Variants in FBN3 observed in about 807,000 individuals in gnomAD.
The protein encoded by FBN3 is fibrillin 3.
In FBN3, 234 loss-of-function variants were observed where a neutral mutation model predicts 330.1. The ratio of observed to expected loss-of-function variants is 0.71; its 90% CI spans 0.64 to 0.79. The LOEUF is 0.79. Ranked by LOEUF, FBN3 falls within the 30% of genes least tolerant of loss-of-function variation. The pLI is 0.00. For missense variants in FBN3, 3,606 were observed against 3,886.9 expected (o/e 0.93, Z 1.92); for synonymous variants, 1,458 against 1,517.3 (o/e 0.96, Z 0.91).
intron 61 of FBN3, among the ~76,000 whole-genome samples, chr19:8,074,503 G>A (rs937124852): frequency 6.6e-6 from 1 of 152,132 alleles, no homozygotes; most frequent in East Asian, 1.9e-4. Context: ...GGAGGCCGAG[G>A]AGAGGTCTCA....
rs1555750047 is a variant in FBN3 at position 8,129,576 on chromosome 19, G to GGGCCATCCCACGCATTTTT, written c.2045-212_2045-211insAAAAATGCGTGGGATGGCC. On this transcript the variant is annotated intron_variant, in intron 16 of 63. Transcript: ENST00000600128. The surrounding 1 kb of genome is among the most constrained non-coding windows in gnomAD (Gnocchi z 4.5). ...GGGCCAGATCATTTTTTGCTGTGAG[G>GGGCCATCCCACGCATTTTT]GGCCATCCCACGCATTTTAGGATGT... is the stretch of plus-strand genomic sequence containing the variant. 6.6e-6 allele frequency among the ~76,000 whole-genome samples: 1 copy of GGGCCATCCCACGCATTTTT among 152,020 alleles called. No individual in the cohort carries two copies. The highest frequency in any genetic ancestry group is 1.5e-5 in the Non-Finnish European group (1 of 68,012).
At chr19:8,135,936 G>GGGGGGGGGGGGGGGCCGCCCCCCCC in intron 13 of FBN3, 25 bp downstream of exon 13, 2 of 668,778 alleles carry the variant, frequency 3.0e-6, no homozygotes, top group East Asian at 3.9e-5. Flanking sequence ...GGAAGCCCCT[G>GGGGGGGGGGGGGGGCCGCCCCCCCC]CCCACCCGCC....
At chr19:8,094,723 G>A (rs116137021) in intron 46 of FBN3, among the ~76,000 whole-genome samples, 158 bp from the exon 47 acceptor site, 451 of 152,318 alleles carry the variant, frequency 3.0e-3, no homozygotes, top group African/African-American at 0.01. Flanking sequence ...CTGAGACTCA[G>A]GACGACAGGG....
chr19:8,145,956 G>A lies in FBN3; in HGVS notation c.350-18C>T. 1 of 1,547,602 alleles carries A rather than the reference G, an allele frequency of 6.5e-7. No homozygotes were observed. Among genetic ancestry groups the A allele is most frequent in the Non-Finnish European group, 8.7e-7 (1 of 1,143,762 alleles). Reference sequence around the variant, plus strand: ...CCCTGACCCTGGGGACAGGAAGGCAGGACGCATAGTAATGTGGAGATGGGC... The same window carrying A: ...CCCTGACCCTGGGGACAGGAAGGCAAGACGCATAGTAATGTGGAGATGGGC... On this transcript the variant is annotated intron_variant, in intron 4 of 63. Transcript: ENST00000600128.
At chr19:8,144,840 G>A (rs1168196344) in intron 6 of FBN3, 37 bp downstream of exon 6, 2 of 1,514,858 alleles carry the variant, frequency 1.3e-6, no homozygotes, top group Non-Finnish European at 1.8e-6. Context: ...CCTCCATCGA[G>A]TCCCCTGTCT....
intron 54 of FBN3, among the ~76,000 whole-genome samples, chr19:8,086,616 C>A (rs1288296157): frequency 9.3e-6 from 1 of 107,334 alleles, no homozygotes; most frequent in Non-Finnish European, 1.9e-5. Flanking sequence ...GCCGCCACGC[C>A]CAGCTATTTT....
rs150441327 is a variant in FBN3, at chr19:8,124,275, G to T, written c.2732-267C>A. ...TTGATTTCTTTTGAGACATAGTCTT[G>T]CTCTGTCACTCAGGCTGGAGTGCAG... On this transcript the variant is annotated intron_variant, in intron 22 of 63. Transcript: ENST00000600128. 2.2e-3 allele frequency among the ~76,000 whole-genome samples: 338 copies of T among 152,236 alleles called. 1 individual carries two copies. The highest frequency in any genetic ancestry group is 7.8e-3 in the African/African-American group (326 of 41,548).
Position 8,131,096 on chromosome 19 carries a change from T to C in FBN3, c.2044+139A>G. 1 of 702,562 alleles carries C rather than the reference T, an allele frequency of 1.4e-6. No individual in the cohort carries two copies. The highest frequency in any genetic ancestry group is 2.4e-6 in the Non-Finnish European group (1 of 421,676). The allele number at this position is 702,562 out of a possible 1,614,324, so 43.5% of individuals were successfully genotyped here. A position where few individuals can be genotyped will look rare whatever the true frequency, so the allele number is the denominator to read the frequency against. ...CCTGCAGGAGTGTGAGAGAATCAGC[T>C]TCTGTTGTTGAAGCCGTCTGGTCTG... On this transcript the variant is annotated intron_variant, in intron 16 of 63. Transcript: ENST00000600128. The surrounding 1 kb of genome is among the most constrained non-coding windows in gnomAD (Gnocchi z 4.5).
Position 8,096,559 on chromosome 19 carries a change from C to T in FBN3, c.5424G>A (p.Glu1808=). 1 of 1,612,112 alleles carries T rather than the reference C, an allele frequency of 6.2e-7. No individual in the cohort carries two copies. Among genetic ancestry groups the T allele is most frequent in the African/African-American group, 1.3e-5 (1 of 75,034 alleles). The change falls in exon 44 of 64, where the codon GAG becomes GAA. Residue 1808 remains glutamate (E), a synonymous_variant. Coordinates refer to ENST00000600128, the MANE Select transcript of FBN3 (RefSeq NM_032447.5). This position sits in a 1 kb window ranked among gnomAD's most constrained non-coding sequence, Gnocchi z 4.6. ...TACAGACATTCGGGATCTCCCGACA[C>T]TCATTCCGTCCTGGGGGTGCAGAGA... ...SPGGACVGRN[E]CREIPNVCSH...
At chr19:8,138,954 G>T (rs528668031) in intron 8 of FBN3, among the ~76,000 whole-genome samples, 96 of 152,266 alleles carry the variant, frequency 6.3e-4, no homozygotes, top group African/African-American at 2.3e-3. Context: ...GGCTGAGGCA[G>T]GAGAATCACT....
chr19:8,147,351 G>T lies in FBN3; in HGVS notation c.130C>A (p.Arg44Ser). 1 of 1,602,066 alleles carries T rather than the reference G, an allele frequency of 6.2e-7. No individual in the cohort carries two copies. Among genetic ancestry groups the T allele is most frequent in the Non-Finnish European group, 8.5e-7 (1 of 1,176,204 alleles). The change falls in exon 2 of 64, where the codon CGT becomes AGT. Residue 44 changes from arginine to serine, a missense_variant. Arg to Ser is a moderately radical substitution (Grantham distance 110, BLOSUM62 -1). Transcript: ENST00000600128. ...DGALEAAGPG[R>S]VRRRGSPGIL... ...CCTGGGCTGCCCCGCCTCCGCACAC[G>T]TCCAGGACCTGCAGCCTCCAAGGCC...
rs868002061 is a variant in FBN3, at chr19:8,129,392, A to G, written c.2045-27T>C. The G allele has an allele frequency of 1.2e-6, 2 of 1,611,820 alleles. No individual in the cohort carries two copies. Among genetic ancestry groups the G allele is most frequent in the Middle Eastern group, 3.3e-4 (2 of 6,036 alleles). On this transcript the variant is annotated intron_variant, in intron 16 of 63. Transcript: ENST00000600128. The surrounding 1 kb of genome is among the most constrained non-coding windows in gnomAD (Gnocchi z 4.5). The stretch of plus-strand genomic sequence containing the variant: ...TGCGGCAGGAGGAGGGTGTGTCAGC[A>G]GCAGCAGAAGGAGGGTGTGTCCGAG...
At chr19:8,135,936 G>GGGGGGGGGGGGGGGGGGGGGCCCCCCCC in intron 13 of FBN3, 25 bp downstream of exon 13, 4 of 668,760 alleles carry the variant, frequency 6.0e-6, no homozygotes, top group Admixed American at 2.9e-5. Flanking sequence ...GGAAGCCCCT[G>GGGGGGGGGGGGGGGGGGGGGCCCCCCCC]CCCACCCGCC....
chr19:8,104,875 A>G (rs141569055), intron 38 of FBN3, among the ~76,000 whole-genome samples: 91 of 151,974 alleles, frequency 6.0e-4, no homozygotes, highest in African/African-American at 2.0e-3. Context: ...AATTTTATAT[A>G]ACTTTCTTTT....
In FBN3 at chr19:8,087,288, T is replaced by G. The variant is rs1022536814; in HGVS notation, c.6620-77A>C. Reference sequence around the variant, plus strand: ...GTGGGGACCTGGATTCCACCCTGCGTCAGCCCTGTGGGACCTGAGTGAGTT... The same window carrying G: ...GTGGGGACCTGGATTCCACCCTGCGGCAGCCCTGTGGGACCTGAGTGAGTT... On this transcript the variant is annotated intron_variant, in intron 53 of 63. Transcript: ENST00000600128. The G allele has an allele frequency of 2.1e-5, 31 of 1,464,236 alleles. No homozygotes were observed. In the African/African-American group the frequency reaches 4.4e-4, roughly 21 times the overall value. The allele number at this position is 1,464,236 out of a possible 1,614,324, so 90.7% of individuals were successfully genotyped here. A position where few individuals can be genotyped will look rare whatever the true frequency, so the allele number is the denominator to read the frequency against.
rs758406443 is a variant in FBN3 at position 8,138,398 on chromosome 19, C to A, written c.1018+14G>T. The A allele has an allele frequency of 6.2e-7, 1 of 1,610,302 alleles. No individual in the cohort carries two copies. The highest frequency in any genetic ancestry group is 1.1e-5 in the South Asian group (1 of 90,928). On this transcript the variant is annotated intron_variant, in intron 9 of 63. Coordinates refer to ENST00000600128, the MANE Select transcript of FBN3 (RefSeq NM_032447.5). ...TCCTCACCCACAGCCCTGCAGGCTG[C>A]AGCTCTTACTCACTGGAGCCCCGAG...
intron 36 of FBN3, 63 bp from the exon 37 acceptor site, chr19:8,108,301 G>A (rs2082494129): frequency 7.4e-7 from 1 of 1,354,760 alleles, no homozygotes; most frequent in South Asian, 1.3e-5. Context: ...GGAAACAGGG[G>A]AGCAACAGCA....
At chr19:8,102,970 GA>G in intron 39 of FBN3, 97 bp from the exon 40 acceptor site, 1 of 1,297,490 alleles carries the variant, frequency 7.7e-7, no homozygotes, top group Non-Finnish European at 1.1e-6. Context: ...TGATTCATTT[GA>G]AGATTACTGG....
chr19:8,138,064 CCT>C (rs2083327380), intron 10 of FBN3, 75 bp downstream of exon 10: 7 of 1,453,226 alleles, frequency 4.8e-6, no homozygotes, highest in Non-Finnish European at 9.1e-7. Context: ...GACACCGTCC[CCT>C]GTTTGGAGCT....
Sources: allele counts gnomAD v4.1 joint callset (sites outside exome capture counted in the v4.1 genomes callset), GRCh38; gene constraint gnomAD v4.1.1; non-coding constraint Gnocchi (gnomAD v3.1); transcripts MANE v1.5; gene names NCBI Gene and HGNC (gene_info 2026-07-23, HGNC 2026-07-21).